DLG2: variants seen among roughly 807,000 people sequenced by gnomAD.
The protein encoded by DLG2 is disks large homolog 2.
Under a neutral mutation model 132.5 loss-of-function variants are expected in DLG2, and 45 were observed. That is an observed-to-expected ratio of 0.34 (90% CI 0.27 to 0.44). The LOEUF is 0.44. Among genes scored for constraint, DLG2 ranks in the 20% least tolerant of loss-of-function variants. The pLI is 1.00. For missense variants in DLG2, 1,045 were observed against 1,196.9 expected, an observed-to-expected ratio of 0.87 and a Z score of 1.87; for synonymous variants, 424 against 419.6, an observed-to-expected ratio of 1.01 and a Z score of -0.13.
intron 18 of DLG2, among the ~76,000 whole-genome samples, chr11:83,690,444 A>T (rs1338624953): frequency 1.3e-5 from 2 of 152,068 alleles, no homozygotes; most frequent in East Asian, 3.8e-4. Context: ...AATATAGTAG[A>T]AATGTTAAAC....
chr11:85,162,501 A>G (rs2078109426), intron 4 of DLG2, among the ~76,000 whole-genome samples: 1 of 152,230 alleles, frequency 6.6e-6, no homozygotes, highest in Non-Finnish European at 1.5e-5. Context: ...AAGAATGAGG[A>G]CTGTAATTGT....
At chr11:83,904,908 C>T (rs948036768) in intron 15 of DLG2, among the ~76,000 whole-genome samples, 1 of 152,090 alleles carries the variant, frequency 6.6e-6, no homozygotes, top group South Asian at 2.1e-4. Flanking sequence ...AATAAAGTCT[C>T]TGATTCAGGA....
At chr11:85,410,831 C>T (rs898890403) in intron 3 of DLG2, among the ~76,000 whole-genome samples, 38 of 151,736 alleles carry the variant, frequency 2.5e-4, no homozygotes, top group Non-Finnish European at 4.4e-4. Flanking sequence ...TTTGCACATA[C>T]TTTAATGGCA....
chr11:85,549,261 G>A (rs566166377), intron 3 of DLG2, among the ~76,000 whole-genome samples: 1 of 152,238 alleles, frequency 6.6e-6, no homozygotes, highest in Admixed American at 6.5e-5. Context: ...GCACTTCCCG[G>A]ATGAGGTGAC....
chr11:84,181,858 A>T (rs1415480891), intron 8 of DLG2, among the ~76,000 whole-genome samples: 2 of 152,190 alleles, frequency 1.3e-5, no homozygotes, highest in Non-Finnish European at 2.9e-5. Context: ...TGGGCTGAAC[A>T]ACAGAGTGCC....
intron 11 of DLG2, among the ~76,000 whole-genome samples, chr11:83,984,103 C>T (rs1403438334): frequency 2.0e-5 from 3 of 151,820 alleles, no homozygotes; most frequent in Non-Finnish European, 2.9e-5. Context: ...CGGGTAAGTT[C>T]AACAAACAGA....
chr11:83,760,776 C>T (rs570643757), intron 18 of DLG2, among the ~76,000 whole-genome samples: 23 of 152,214 alleles, frequency 1.5e-4, no homozygotes, highest in Non-Finnish European at 2.4e-4. Context: ...TTTCCACTGG[C>T]ATCTTCCCAG....
In DLG2 at chr11:84,962,458, A is replaced by C. The variant is rs138338221; in HGVS notation, c.357+149203T>G. Among the ~76,000 whole-genome samples the C allele has an allele frequency of 5.0e-3, 765 of 152,314 alleles. 20 individuals are homozygous for C. Among genetic ancestry groups the C allele is most frequent in the East Asian group, 0.016 (82 of 5,182 alleles). ...TCACCCTCAGTTTCCTAATATTAAA[A>C]AAATAAAGATACTAAAATATCAAAT... On this transcript the variant is annotated intron_variant, in intron 6 of 27. Transcript: ENST00000376104.
At chr11:83,614,070 A>T (rs1041881279) in intron 19 of DLG2, among the ~76,000 whole-genome samples, 1 of 152,214 alleles carries the variant, frequency 6.6e-6, no homozygotes, top group Non-Finnish European at 1.5e-5. Flanking sequence ...GAAGTAGGAA[A>T]GAGGCTGAGA....
In DLG2 at chr11:83,462,158, G is replaced by C. The variant is rs919775100; in HGVS notation, c.2730-65C>G. ...ATTCCAAATCCTAAAAAATTAAAAT[G>C]TATGGCAAAAATAAATCCTACAGAA... is the stretch of plus-strand genomic sequence containing the variant. On this transcript the variant is annotated intron_variant, in intron 26 of 27. Coordinates refer to ENST00000376104, the MANE Select transcript of DLG2 (RefSeq NM_001142699.3). The C allele has an allele frequency of 8.4e-6, 9 of 1,069,996 alleles. No individual in the cohort carries two copies. In the African/African-American group the frequency reaches 1.4e-4, roughly 17 times the overall value. The allele number at this position is 1,069,996 out of a possible 1,614,324, so 66.3% of individuals were successfully genotyped here.
chr11:84,680,163 T>C (rs537426935), intron 6 of DLG2, among the ~76,000 whole-genome samples: 21 of 152,276 alleles, frequency 1.4e-4, no homozygotes, highest in African/African-American at 4.6e-4. Context: ...GTTCAAACCA[T>C]AGTCAACCTC....
intron 4 of DLG2, among the ~76,000 whole-genome samples, chr11:85,181,128 A>G (rs922445170): frequency 4.6e-5 from 7 of 151,702 alleles, no homozygotes; most frequent in African/African-American, 1.7e-4. Context: ...TACTAGCACT[A>G]AAGAAGAAAT....
chr11:83,844,626 A>C (rs1227798147), intron 16 of DLG2, among the ~76,000 whole-genome samples: 1 of 151,704 alleles, frequency 6.6e-6, no homozygotes, highest in African/African-American at 2.4e-5. Flanking sequence ...ACACTTGCAA[A>C]CAGAATTGAT....
rs145624481 is a variant in DLG2 at position 85,142,633 on chromosome 11, C to T, written c.282+11923G>A. Among the ~76,000 whole-genome samples the T allele has an allele frequency of 3.0e-4, 46 of 151,794 alleles. No individual in the cohort carries two copies. The East Asian group carries it at 6.4e-3, about 21-fold the overall frequency. Reference sequence around the variant, plus strand: ...CAGTGGTAAAAATGGGCATCCTTGTCTTGTTATATATCTTAGAGAAAAGGC... The same window carrying T: ...CAGTGGTAAAAATGGGCATCCTTGTTTTGTTATATATCTTAGAGAAAAGGC... On this transcript the variant is annotated intron_variant, in intron 5 of 27. Coordinates refer to ENST00000376104, the MANE Select transcript of DLG2 (RefSeq NM_001142699.3).
At chr11:84,629,855 A>G (rs2099628607) in intron 6 of DLG2, among the ~76,000 whole-genome samples, 1 of 152,200 alleles carries the variant, frequency 6.6e-6, no homozygotes, top group Non-Finnish European at 1.5e-5. Flanking sequence ...GAGGGAGGAA[A>G]GAAGAACAAG....
intron 6 of DLG2, among the ~76,000 whole-genome samples, chr11:84,683,676 C>T (rs1003638497): frequency 8.5e-5 from 13 of 152,098 alleles, no homozygotes; most frequent in Non-Finnish European, 4.4e-5. Flanking sequence ...GGGCTGAAGT[C>T]GCAGCACCAT....
chr11:83,930,379 G>C lies in DLG2; in HGVS notation c.1445C>G (p.Ala482Gly). Reference sequence around the variant, plus strand: ...GCCTAGGTGGTAGTGGGAATAGGGAGCTGAGAGGAGGAAGCTTTTGTCACA... The same window carrying C: ...GCCTAGGTGGTAGTGGGAATAGGGACCTGAGAGGAGGAAGCTTTTGTCACA... The part of the protein sequence containing the change: ...VECDKSFLLS[A>G]PYSHYHLGLL... The change falls in exon 15 of 28, where the codon GCT becomes GGT. Residue 482 changes from alanine (A) to glycine (G), a missense_variant. By Grantham distance (60) the Ala-to-Gly change is moderately conservative. Transcript: ENST00000376104. The C allele has an allele frequency of 1.2e-6, 2 of 1,614,098 alleles. No individual in the cohort carries two copies. The highest frequency in any genetic ancestry group is 8.5e-7 in the Non-Finnish European group (1 of 1,179,966).
intron 7 of DLG2, among the ~76,000 whole-genome samples, chr11:84,315,572 T>C (rs1476533668): frequency 6.6e-6 from 1 of 152,176 alleles, no homozygotes; most frequent in African/African-American, 2.4e-5. Flanking sequence ...TTTTATTCAG[T>C]TTGGAATTCA....
chr11:84,708,227 C>T (rs1380739670), intron 6 of DLG2, among the ~76,000 whole-genome samples: 1 of 151,768 alleles, frequency 6.6e-6, no homozygotes, highest in Non-Finnish European at 1.5e-5. Context: ...AAATATCTAC[C>T]TCATAGAGAT....
Sources: gnomAD v4.1 joint callset for allele counts (sites outside exome capture counted in the v4.1 genomes callset) on GRCh38, gnomAD v4.1.1 for gene constraint, MANE v1.5 for transcripts, NCBI Gene and HGNC (gene_info 2026-07-23, HGNC 2026-07-21) for gene names.